Variants in MIER3 observed in about 807,000 individuals in gnomAD.
MIER3 encodes the protein mesoderm induction early response protein 3.
A neutral mutation model predicts 63.2 loss-of-function variants in MIER3; 9 were observed. The observed-to-expected ratio is 0.14, with a 90% CI of 0.09 to 0.25. MIER3 has a LOEUF of 0.25. Among genes scored for constraint, MIER3 ranks in the 10% least tolerant of loss-of-function variants. The pLI, the probability that MIER3 is intolerant of heterozygous loss-of-function variation, is 1.00. For missense variants in MIER3, 512 were observed against 666.2 expected, an observed-to-expected ratio of 0.77 and a Z score of 2.55; for synonymous variants, 205 against 224.9, an observed-to-expected ratio of 0.91 and a Z score of 0.79.
chr5:56,928,911 T>G (rs1402172660), intron 9 of MIER3, 50 bp from the exon 10 acceptor site: 2 of 1,293,872 alleles, frequency 1.5e-6, no homozygotes, highest in Non-Finnish European at 2.2e-6. Flanking sequence ...TTTTCTTATG[T>G]GAATCACTGA....
chr5:56,928,724 C>G (rs1227155446), intron 10 of MIER3, 43 bp downstream of exon 10: 1 of 1,376,832 alleles, frequency 7.3e-7, no homozygotes, highest in Admixed American at 2.0e-5. Context: ...TGCTTACATT[C>G]ACTGTAACTA....
intron 2 of MIER3, among the ~76,000 whole-genome samples, chr5:56,949,765 G>A (rs1237294533): frequency 6.6e-6 from 1 of 152,178 alleles, no homozygotes; most frequent in African/African-American, 2.4e-5. Flanking sequence ...TTATTTAAAA[G>A]TCTCCTCAAC....
Position 56,950,656 on chromosome 5 carries a change from GGAGA to G in MIER3, c.10-8_10-5del, listed in dbSNP as rs768714956. 1.1e-5 allele frequency: 18 copies of G among 1,613,538 alleles called. No homozygotes were observed. Among genetic ancestry groups the G allele is most frequent in the Admixed American group, 1.7e-5 (1 of 59,968 alleles). ...GGCTCGAACTTCCAAAAGAAGCCTA[GGAGA>G]GAGAGAAGAAAACGTGAGGTTAGAT... On this transcript the variant is annotated splice_region_variant and splice_polypyrimidine_tract_variant and intron_variant, in intron 1 of 12. Transcript: ENST00000381199.
Position 56,923,793 on chromosome 5 carries a change from C to T in MIER3, c.1093G>A (p.Gly365Ser). 2 of 1,614,136 alleles carry T rather than the reference C, an allele frequency of 1.2e-6. No homozygotes were observed. Among genetic ancestry groups the T allele is most frequent in the Non-Finnish European group, 1.7e-6 (2 of 1,180,004 alleles). ...AAGGCTGAAGCATTTACCGTCCCACCCAAAGCTTCTGTTTCATCTACTAAA... is the reference window on the plus strand; with the variant it reads ...AAGGCTGAAGCATTTACCGTCCCACTCAAAGCTTCTGTTTCATCTACTAAA... ...DRLVDETEAL[G>S]GTVNASALTS... Residue 365 changes from glycine to serine, a missense_variant, in exon 12 of 13, where the codon GGT (glycine) becomes AGT (serine). Gly to Ser is a moderately conservative substitution (Grantham distance 56, BLOSUM62 0). Around this residue, in one of 5 missense-constraint regions of MIER3, gnomAD observed 218 missense variants for 251.2 expected, o/e 0.87. Transcript: ENST00000381199.
chr5:56,935,649 A>G lies in MIER3; in HGVS notation c.522+17T>C, dbSNP rs1345591066. ...TTTTTAAAAGCCAATTTAGTCCACTATATTAACTCAGCTTACCTTCCTCAA... is the reference window on the plus strand; with the variant it reads ...TTTTTAAAAGCCAATTTAGTCCACTGTATTAACTCAGCTTACCTTCCTCAA... On this transcript the variant is annotated intron_variant, in intron 6 of 12. Transcript: ENST00000381199. The G allele has an allele frequency of 1.9e-6, 3 of 1,607,722 alleles. No homozygotes were observed. The highest frequency in any genetic ancestry group is 2.6e-6 in the Non-Finnish European group (3 of 1,175,220).
intron 2 of MIER3, among the ~76,000 whole-genome samples, chr5:56,947,724 C>CT: frequency 6.6e-6 from 1 of 152,322 alleles, no homozygotes; most frequent in East Asian, 1.9e-4. Context: ...CTTTGGATTA[C>CT]TAACAAAGTT....
intron 10 of MIER3, chr5:56,925,254 G>C: frequency 2.3e-6 from 1 of 429,776 alleles, no homozygotes; most frequent in Non-Finnish European, 4.6e-6. Context: ...GGAAGGTCTA[G>C]CTAATGCAGT....
chr5:56,929,090 AC>A (rs1750157096), intron 9 of MIER3: 1 of 376,420 alleles, frequency 2.7e-6, no homozygotes, highest in Non-Finnish European at 4.7e-6. Context: ...AGTCTAGAAT[AC>A]AAAAATATAA....
intron 4 of MIER3, among the ~76,000 whole-genome samples, chr5:56,938,075 C>T (rs1206384242): frequency 6.6e-6 from 1 of 152,116 alleles, no homozygotes; most frequent in Admixed American, 6.5e-5. Flanking sequence ...CTCCAACCTC[C>T]ACTCTTCCAA....
intron 1 of MIER3, 67 bp downstream of exon 1, chr5:56,952,027 G>C (rs1201529943): frequency 5.1e-5 from 63 of 1,236,726 alleles, no homozygotes; most frequent in Non-Finnish European, 5.6e-5. Flanking sequence ...AGGCTGGCTC[G>C]GGGGTCGCGG....
In MIER3 at chr5:56,949,259, G is replaced by A. The variant is rs541850823; in HGVS notation, c.34+1369C>T. Reference sequence around the variant, plus strand: ...TGTAGTACCAGCCACCTGGGAGGCTGAGGCAGGAGAACAGCTTGAACCTCA... The same window carrying A: ...TGTAGTACCAGCCACCTGGGAGGCTAAGGCAGGAGAACAGCTTGAACCTCA... On this transcript the variant is annotated intron_variant, in intron 2 of 12. Coordinates refer to ENST00000381199, the MANE Select transcript of MIER3 (RefSeq NM_001297599.2). Among the ~76,000 whole-genome samples, 6 of 152,132 alleles carry A rather than the reference G, an allele frequency of 3.9e-5. No homozygotes were observed. The South Asian group carries it at 1.0e-3, about 26-fold the overall frequency.
chr5:56,930,470 T>C (rs1174727992), intron 9 of MIER3, among the ~76,000 whole-genome samples, 194 bp downstream of exon 9: 2 of 152,208 alleles, frequency 1.3e-5, no homozygotes, highest in Non-Finnish European at 2.9e-5. Context: ...GGGGGGTGAC[T>C]AATTTGTGTT....
At chr5:56,936,768 T>C (rs2591970) in intron 5 of MIER3, 46,403 of 151,938 alleles carry the variant, frequency 0.31, 7,545 homozygotes, top group East Asian at 0.54. Context: ...GATCCTCTCA[T>C]CTCAGCCTCC....
At chr5:56,950,378 A>AAAG (rs1750977454) in intron 2 of MIER3, among the ~76,000 whole-genome samples, 1 of 152,228 alleles carries the variant, frequency 6.6e-6, no homozygotes, top group African/African-American at 2.4e-5. Flanking sequence ...TGTAATAATT[A>AAAG]AAGCCATATT....
At position 56,923,330 on chromosome 5, in the gene MIER3, ATTTTCAATC is replaced by A. The variant is rs1749768878; in HGVS notation, c.1442_1450del (p.Arg481_Lys483del). On this transcript the variant is annotated inframe_deletion, in exon 13 of 13. Coordinates refer to ENST00000381199, the MANE Select transcript of MIER3 (RefSeq NM_001297599.2). Reference sequence around the variant, plus strand: ...AAAGGATTCAGGGACGGCAATGCCCATTTTCAATCTTTTTGCTGGTCTCTCTGACTCTTC... The same window carrying A: ...AAAGGATTCAGGGACGGCAATGCCCATTTTTGCTGGTCTCTCTGACTCTTC... 1.2e-6 allele frequency: 2 copies of A among 1,614,166 alleles called. No individual in the cohort carries two copies. The highest frequency in any genetic ancestry group is 1.7e-6 in the Non-Finnish European group (2 of 1,180,018).
chr5:56,923,470 T>C lies in MIER3; in HGVS notation c.1311A>G (p.Val437=). The C allele has an allele frequency of 6.2e-7, 1 of 1,614,168 alleles. No individual in the cohort carries two copies. Among genetic ancestry groups the C allele is most frequent in the South Asian group, 1.1e-5 (1 of 91,086 alleles). ...TGGGCAGGGTGAGTAACTCTTCTGT[T>C]ACAACAGGCACATGATTAACTTGTC... ...PRGQVNHVPV[V]TEELLTLPSN... The change falls in exon 13 of 13, where the codon GTA becomes GTG. Residue 437 remains valine (V), a synonymous_variant. Coordinates refer to ENST00000381199, the MANE Select transcript of MIER3 (RefSeq NM_001297599.2).
At chr5:56,937,546 A>G in intron 5 of MIER3, 32 bp downstream of exon 5, 1 of 1,581,812 alleles carries the variant, frequency 6.3e-7, no homozygotes, top group Non-Finnish European at 8.6e-7. Context: ...TATCAATGTT[A>G]CTATTTATCA....
At chr5:56,951,644 C>A (rs897884870) in intron 1 of MIER3, among the ~76,000 whole-genome samples, 3 of 151,676 alleles carry the variant, frequency 2.0e-5, no homozygotes, top group Non-Finnish European at 4.4e-5. Context: ...GCACAGCGCA[C>A]GACTCCCGCA....
upstream of MIER3, chr5:56,952,136 G>C (rs776249448): frequency 8.1e-7 from 1 of 1,232,092 alleles, no homozygotes; most frequent in Non-Finnish European, 1.0e-6. Context: ...GCAGCGCCGA[G>C]CCCAGTCCCC....
Sources: allele counts gnomAD v4.1 joint callset (sites outside exome capture counted in the v4.1 genomes callset), GRCh38; gene constraint gnomAD v4.1.1; regional missense constraint gnomAD v4.1.1; transcripts MANE v1.5; gene names NCBI Gene and HGNC (gene_info 2026-07-23, HGNC 2026-07-21).